Variants in SYNDIG1L observed in about 807,000 individuals in gnomAD.
The protein encoded by SYNDIG1L is synapse differentiation-inducing gene protein 1-like.
SYNDIG1L carries 13 observed loss-of-function variants against 20.1 expected under a neutral mutation model. That is an observed-to-expected ratio of 0.65 (90% CI 0.42 to 1.03). SYNDIG1L has a LOEUF of 1.03. SYNDIG1L is among the 50% of genes least tolerant of loss of function. The pLI is 0.00. For synonymous variants in SYNDIG1L, 128 were observed against 129.3 expected, an observed-to-expected ratio of 0.99 and a Z score of 0.07; for missense variants, 294 against 305.1, an observed-to-expected ratio of 0.96 and a Z score of 0.27.
the SYNDIG1L span, among the ~76,000 whole-genome samples, chr14:74,439,376 G>A: frequency 2.6e-5 from 4 of 152,250 alleles, no homozygotes; most frequent in South Asian, 6.2e-4. Context: ...TGGTGGAAAC[G>A]GGGATTTGAG....
chr14:74,459,839 G>T, the SYNDIG1L span, among the ~76,000 whole-genome samples: 4 of 152,206 alleles, frequency 2.6e-5, no homozygotes, highest in Non-Finnish European at 5.9e-5. Flanking sequence ...GACTCCTTCA[G>T]AGAGGCCCCA....
At chr14:74,479,895 A>G in the SYNDIG1L span, 1 of 1,052,686 alleles carries the variant, frequency 9.5e-7, no homozygotes, top group Non-Finnish European at 1.2e-6. Context: ...CCATGGTTCT[A>G]GCAGAATGTA....
intron 1 of SYNDIG1L, among the ~76,000 whole-genome samples, chr14:74,421,438 C>T (rs892447759): frequency 6.6e-6 from 1 of 152,124 alleles, no homozygotes; most frequent in Non-Finnish European, 1.5e-5. Flanking sequence ...ATAGGAGTTT[C>T]AGAAAGACAC....
upstream of SYNDIG1L, among the ~76,000 whole-genome samples, chr14:74,427,270 T>C (rs1357311219): frequency 6.6e-6 from 1 of 152,096 alleles, no homozygotes; most frequent in Non-Finnish European, 1.5e-5. Context: ...AAGGTAAGTG[T>C]GGGTTTGCAA....
rs987545047 is a variant in SYNDIG1L at position 74,408,054 on chromosome 14, G to T, written c.418-65C>A. ...GCCCAGCCCCATCAGGCTGGCAAGA[G>T]GTTTTTTAAAAGGCAATGCCCAGTG... On this transcript the variant is annotated intron_variant, in intron 2 of 3. Transcript: ENST00000331628. 3.1e-5 allele frequency: 47 copies of T among 1,521,466 alleles called. No individual in the cohort carries two copies. In the Admixed American group the frequency reaches 1.0e-3, roughly 33 times the overall value. The allele number at this position is 1,521,466 out of a possible 1,614,324, so 94.2% of individuals were successfully genotyped here.
chr14:74,409,848 G>T, intron 1 of SYNDIG1L, 47 bp from the exon 2 acceptor site: 2 of 1,302,262 alleles, frequency 1.5e-6, no homozygotes, highest in Non-Finnish European at 9.9e-7. Flanking sequence ...GGGCACTGGA[G>T]GCAGGACCTA....
intron 1 of SYNDIG1L, among the ~76,000 whole-genome samples, chr14:74,422,324 T>C (rs1340035330): frequency 2.6e-5 from 4 of 152,094 alleles, no homozygotes; most frequent in East Asian, 3.9e-4. Context: ...GATCAGTCTT[T>C]AGTGTCCCCT....
the SYNDIG1L span, among the ~76,000 whole-genome samples, chr14:74,438,336 G>T: frequency 6.6e-6 from 1 of 152,192 alleles, no homozygotes. Flanking sequence ...GGAATTGTGA[G>T]CTCACAGCAG....
upstream of SYNDIG1L, among the ~76,000 whole-genome samples, chr14:74,428,933 G>A (rs1190053327): frequency 6.6e-6 from 1 of 152,302 alleles, no homozygotes; most frequent in East Asian, 1.9e-4. Flanking sequence ...CTGCTGGGAA[G>A]CTAATGCTAT....
chr14:74,411,496 C>T (rs1004069131), intron 1 of SYNDIG1L, among the ~76,000 whole-genome samples: 1 of 152,154 alleles, frequency 6.6e-6, no homozygotes, highest in African/African-American at 2.4e-5. Flanking sequence ...AGTCCCAGCC[C>T]CCATGAGAAT....
intron 1 of SYNDIG1L, among the ~76,000 whole-genome samples, chr14:74,411,183 G>A (rs2086128153): frequency 6.6e-6 from 1 of 152,212 alleles, no homozygotes; most frequent in Non-Finnish European, 1.5e-5. Context: ...TCCTGGTCTT[G>A]ACGCCTTGGG....
At chr14:74,422,284 T>A (rs2086228497) in intron 1 of SYNDIG1L, among the ~76,000 whole-genome samples, 1 of 151,818 alleles carries the variant, frequency 6.6e-6, no homozygotes, top group Non-Finnish European at 1.5e-5. Context: ...GTAAGAGAAA[T>A]GAGGACTTGA....
the SYNDIG1L span, among the ~76,000 whole-genome samples, chr14:74,475,744 T>C: frequency 2.6e-5 from 4 of 152,164 alleles, no homozygotes; most frequent in Non-Finnish European, 5.9e-5. Context: ...ATATCTGAAA[T>C]GGTCTCTAAA....
At chr14:74,421,912 A>G (rs1412293871) in intron 1 of SYNDIG1L, among the ~76,000 whole-genome samples, 1 of 152,080 alleles carries the variant, frequency 6.6e-6, no homozygotes, top group Admixed American at 6.6e-5. Context: ...ACCCCCTGCC[A>G]CCCTGGGCTC....
At chr14:74,455,397 T>A in the SYNDIG1L span, among the ~76,000 whole-genome samples, 1 of 148,494 alleles carries the variant, frequency 6.7e-6, no homozygotes, top group Non-Finnish European at 1.5e-5. Flanking sequence ...CCCCAATCTT[T>A]TTTTTTTTTT....
At chr14:74,479,781 T>C in the SYNDIG1L span, 1 of 208,680 alleles carries the variant, frequency 4.8e-6, no homozygotes, top group Non-Finnish European at 9.7e-6. Context: ...GGCCATTTTA[T>C]ATAAAATAGA....
chr14:74,415,573 T>C (rs1056404579), intron 1 of SYNDIG1L, among the ~76,000 whole-genome samples: 1 of 152,166 alleles, frequency 6.6e-6, no homozygotes, highest in African/African-American at 2.4e-5. Flanking sequence ...CAGGGTCTTA[T>C]TCTGTTTCCC....
the SYNDIG1L span, among the ~76,000 whole-genome samples, chr14:74,473,602 T>C: frequency 6.6e-6 from 1 of 152,232 alleles, no homozygotes; most frequent in South Asian, 2.1e-4. Context: ...GTGACTATCA[T>C]GGCTTTGTCC....
At chr14:74,426,913 A>T (rs2086271173), upstream of SYNDIG1L, among the ~76,000 whole-genome samples, 1 of 152,022 alleles carries the variant, frequency 6.6e-6, no homozygotes, top group Non-Finnish European at 1.5e-5. Flanking sequence ...AACCTCTTAA[A>T]GCCTCAGGTT....
Sources: allele counts gnomAD v4.1 joint callset (sites outside exome capture counted in the v4.1 genomes callset), GRCh38; gene constraint gnomAD v4.1.1; transcripts MANE v1.5; gene names NCBI Gene and HGNC (gene_info 2026-07-23, HGNC 2026-07-21).